Variants in CYP2C19 observed in about 807,000 individuals in gnomAD.
CYP2C19 encodes cytochrome P450 family 2 subfamily C member 19.
Under a neutral mutation model 40.9 loss-of-function variants are expected in CYP2C19, and 59 were observed. The observed-to-expected ratio is 1.44, with a 90% CI of 1.17 to 1.79. The LOEUF (loss-of-function observed/expected upper bound fraction) is 1.79. Ranked by LOEUF, CYP2C19 falls within the 40% of genes most tolerant of loss-of-function variation. The pLI, the probability that CYP2C19 is intolerant of heterozygous loss-of-function variation, is 0.00. For synonymous variants in CYP2C19, 253 were observed against 208.7 expected, an observed-to-expected ratio of 1.21 and a Z score of -1.83; for missense variants, 754 against 596.9, an observed-to-expected ratio of 1.26 and a Z score of -2.74.
At chr10:94,764,854 G>T (rs1848219296) in intron 1 of CYP2C19, among the ~76,000 whole-genome samples, 1 of 152,154 alleles carries the variant, frequency 6.6e-6, no homozygotes, top group African/African-American at 2.4e-5. Context: ...CTAGAAAGGG[G>T]AGAAGCCATG....
At chr10:94,786,375 G>A (rs1384993736) in intron 5 of CYP2C19, among the ~76,000 whole-genome samples, 1 of 152,010 alleles carries the variant, frequency 6.6e-6, no homozygotes, top group Non-Finnish European at 1.5e-5. Context: ...GAACATTGAA[G>A]AGTTTTCAAT....
Position 94,855,187 on chromosome 10 carries a change from C to T in CYP2C19, c.*2273C>T, listed in dbSNP as rs576476847. On this transcript the variant is annotated 3_prime_UTR_variant, in exon 9 of 9. Transcript: ENST00000371321. The stretch of plus-strand genomic sequence containing the variant: ...TATTCTCTCTCCCTTATGTAAAGAC[C>T]CTTGTGATTACATGAAACCCACCAG... Among the ~76,000 whole-genome samples the T allele has an allele frequency of 3.9e-5, 6 of 152,278 alleles. No individual in the cohort carries two copies. In the South Asian group the frequency reaches 8.3e-4, roughly 21 times the overall value.
chr10:94,816,643 A>G (rs900750855), intron 5 of CYP2C19, among the ~76,000 whole-genome samples: 1 of 151,196 alleles, frequency 6.6e-6, no homozygotes, highest in African/African-American at 2.4e-5. Flanking sequence ...TTAGTTACAT[A>G]TGTATACATG....
chr10:94,767,318 T>TAG (rs1848259202), intron 1 of CYP2C19, among the ~76,000 whole-genome samples: 1 of 152,160 alleles, frequency 6.6e-6, no homozygotes. Flanking sequence ...GCCCTGGAAA[T>TAG]TCCCTAAGTT....
intron 6 of CYP2C19, 113 bp downstream of exon 6, chr10:94,820,750 C>A: frequency 7.5e-7 from 1 of 1,337,204 alleles, no homozygotes; most frequent in Non-Finnish European, 1.1e-6. Flanking sequence ...AATTTCTGTG[C>A]CCGCAGCTGT....
At chr10:94,783,991 A>G (rs1226087127) in intron 5 of CYP2C19, among the ~76,000 whole-genome samples, 2 of 152,178 alleles carry the variant, frequency 1.3e-5, no homozygotes, top group African/African-American at 2.4e-5. Context: ...TTGTGCAACC[A>G]TCAGCTTTCT....
At chr10:94,844,924 G>A (rs1000088770) in intron 7 of CYP2C19, among the ~76,000 whole-genome samples, 2 of 152,154 alleles carry the variant, frequency 1.3e-5, no homozygotes, top group Non-Finnish European at 2.9e-5. Context: ...CTGTTGAAGG[G>A]GAATGCTGCA....
At chr10:94,780,438 AATATGAAGTGTTTT>A in intron 3 of CYP2C19, 47 bp from the exon 4 acceptor site, 1 of 1,591,078 alleles carries the variant, frequency 6.3e-7, no homozygotes, top group Non-Finnish European at 8.6e-7. Flanking sequence ...TCTGTTAACA[AATATGAAGTGTTTT>A]ATATCTAATG....
At chr10:94,839,952 G>T (rs903649907) in intron 6 of CYP2C19, among the ~76,000 whole-genome samples, 1 of 152,108 alleles carries the variant, frequency 6.6e-6, no homozygotes, top group Non-Finnish European at 1.5e-5. Context: ...CATACGTTAA[G>T]ATTTTTGAGT....
intron 5 of CYP2C19, among the ~76,000 whole-genome samples, chr10:94,783,635 T>A (rs1005057453): frequency 2.6e-5 from 4 of 152,152 alleles, no homozygotes; most frequent in African/African-American, 9.6e-5. Context: ...CTCTCAATTC[T>A]ACTCCATTGA....
chr10:94,847,870 G>A (rs1044880196), intron 7 of CYP2C19, among the ~76,000 whole-genome samples: 2 of 152,170 alleles, frequency 1.3e-5, no homozygotes. Flanking sequence ...CTGCATAAAT[G>A]TCTTCTTTTC....
chr10:94,851,338 C>T (rs983221352), intron 8 of CYP2C19, among the ~76,000 whole-genome samples: 5 of 151,492 alleles, frequency 3.3e-5, no homozygotes, highest in Non-Finnish European at 5.9e-5. Flanking sequence ...GAGAAATCAT[C>T]CCCTATGATG....
At chr10:94,842,774 A>AATTGCTAG in intron 6 of CYP2C19, 63 bp from the exon 7 acceptor site, 1 of 1,546,748 alleles carries the variant, frequency 6.5e-7, no homozygotes, top group South Asian at 1.1e-5. Flanking sequence ...TGTACCCCTG[A>AATTGCTAG]ATTGCTAGAA....
chr10:94,772,963 A>T (rs1313824880), intron 1 of CYP2C19, among the ~76,000 whole-genome samples: 1 of 151,742 alleles, frequency 6.6e-6, no homozygotes, highest in Non-Finnish European at 1.5e-5. Context: ...TTGTATTTTT[A>T]GTAGAGACGG....
intron 6 of CYP2C19, among the ~76,000 whole-genome samples, chr10:94,837,074 G>C (rs547834192): frequency 6.6e-6 from 1 of 152,156 alleles, no homozygotes; most frequent in Non-Finnish European, 1.5e-5. Flanking sequence ...GTCCAGGACT[G>C]TAAACCACTC....
intron 4 of CYP2C19, among the ~76,000 whole-genome samples, chr10:94,780,983 C>A (rs1463038517): frequency 6.6e-6 from 1 of 152,128 alleles, no homozygotes; most frequent in Non-Finnish European, 1.5e-5. Flanking sequence ...CATCCAGGCA[C>A]TTTGGAGTCT....
intron 7 of CYP2C19, among the ~76,000 whole-genome samples, chr10:94,845,441 G>A (rs564334137): frequency 6.6e-6 from 1 of 152,180 alleles, no homozygotes; most frequent in Non-Finnish European, 1.5e-5. Flanking sequence ...GGATGGACTT[G>A]TGCAGAGAGT....
chr10:94,842,713 G>T, intron 6 of CYP2C19, 124 bp from the exon 7 acceptor site: 1 of 1,082,150 alleles, frequency 9.2e-7, no homozygotes, highest in Non-Finnish European at 1.4e-6. Flanking sequence ...CATACTTCCA[G>T]CACTATAATT....
chr10:94,841,293 C>T (rs1450951226), intron 6 of CYP2C19, among the ~76,000 whole-genome samples: 3 of 152,160 alleles, frequency 2.0e-5, no homozygotes, highest in Non-Finnish European at 4.4e-5. Context: ...AAGATTTTAG[C>T]CCTATCGGGA....
Sources: allele counts gnomAD v4.1 joint callset (sites outside exome capture counted in the v4.1 genomes callset), GRCh38; gene constraint gnomAD v4.1.1; transcripts MANE v1.5; gene names NCBI Gene and HGNC (gene_info 2026-07-23, HGNC 2026-07-21).